DISC1: variants seen among roughly 807,000 people sequenced by gnomAD.
DISC1 encodes disrupted in schizophrenia 1 protein.
DISC1 carries 57 observed loss-of-function variants against 84.5 expected under a neutral mutation model. The ratio of observed to expected loss-of-function variants is 0.67; its 90% CI spans 0.55 to 0.84. The LOEUF (loss-of-function observed/expected upper bound fraction) is 0.84. Ranked by LOEUF, DISC1 falls within the 40% of genes least tolerant of loss-of-function variation. The pLI is 0.00. For synonymous variants in DISC1, 411 were observed against 415.2 expected, an observed-to-expected ratio of 0.99 and a Z score of 0.12; for missense variants, 1,000 against 1,057.8, an observed-to-expected ratio of 0.95 and a Z score of 0.76.
At chr1:232,019,949 T>G (rs527390820) in intron 11 of DISC1, among the ~76,000 whole-genome samples, 1 of 152,168 alleles carries the variant, frequency 6.6e-6, no homozygotes, top group Non-Finnish European at 1.5e-5. Flanking sequence ...GAATTGAGAC[T>G]TTGCAGAGTT....
Position 231,647,433 on chromosome 1 carries a change from T to C in DISC1, c.67+20499T>C, listed in dbSNP as rs570638395. Among the ~76,000 whole-genome samples, 3 of 152,380 alleles carry C rather than the reference T, an allele frequency of 2.0e-5. No individual in the cohort carries two copies. In the East Asian group the frequency reaches 5.8e-4, roughly 29 times the overall value. On this transcript the variant is annotated intron_variant, in intron 1 of 12. Transcript: ENST00000439617. ...GTTCCATTGGTCTATCTCTCTGTTT[T>C]GGTACCAGCACCATGCTGTTTTGGT...
intron 9 of DISC1, among the ~76,000 whole-genome samples, chr1:231,857,483 C>T (rs2084351991): frequency 6.6e-6 from 1 of 152,060 alleles, no homozygotes; most frequent in Non-Finnish European, 1.5e-5. Context: ...TGGGGTTTGT[C>T]CCAGATCCCT....
At chr1:231,938,144 T>C (rs770417302) in intron 9 of DISC1, among the ~76,000 whole-genome samples, 9 of 152,242 alleles carry the variant, frequency 5.9e-5, no homozygotes, top group South Asian at 2.1e-4. Context: ...AGGATGTCCA[T>C]GCCCTTATCC....
rs556547764 is a variant in DISC1 at position 231,920,985 on chromosome 1, C to A, written c.1982-37843C>A. Among the ~76,000 whole-genome samples, 7 of 149,840 alleles carry A rather than the reference C, an allele frequency of 4.7e-5. No homozygotes were observed. The East Asian group carries it at 1.4e-3, about 30-fold the overall frequency. On this transcript the variant is annotated intron_variant, in intron 9 of 12. Coordinates refer to ENST00000439617, the MANE Select transcript of DISC1 (RefSeq NM_018662.3). ...GCAGTGGCGTGATCTCGGCTCACTG[C>A]AGCCTCCACCTCCTGGGTTCAAGCG...
chr1:231,670,968 A>G (rs2062561424), intron 1 of DISC1, among the ~76,000 whole-genome samples: 1 of 152,178 alleles, frequency 6.6e-6, no homozygotes, highest in Non-Finnish European at 1.5e-5. Flanking sequence ...ATTCTTGAGT[A>G]TGCCCTGCTC....
At chr1:231,780,219 C>G (rs1332026871) in intron 6 of DISC1, among the ~76,000 whole-genome samples, 3 of 107,898 alleles carry the variant, frequency 2.8e-5, no homozygotes, top group African/African-American at 3.7e-5. Flanking sequence ...CACATGTACC[C>G]TAAAACTTAA....
At chr1:231,629,049 A>G (rs938990226) in intron 1 of DISC1, among the ~76,000 whole-genome samples, 2 of 152,136 alleles carry the variant, frequency 1.3e-5, no homozygotes, top group Non-Finnish European at 2.9e-5. Context: ...CATCCTGCAT[A>G]TCTATAGACC....
intron 9 of DISC1, 26 bp from the exon 10 acceptor site, chr1:231,958,802 C>G (rs1304849453): frequency 6.2e-7 from 1 of 1,609,536 alleles, no homozygotes. Context: ...GTTGCATTAA[C>G]TTTGGATTTC....
At chr1:231,997,611 G>T (rs910089204) in intron 10 of DISC1, among the ~76,000 whole-genome samples, 1 of 152,102 alleles carries the variant, frequency 6.6e-6, no homozygotes, top group African/African-American at 2.4e-5. Context: ...TAGACAAGCA[G>T]TAGCAGAGGA....
At chr1:231,889,381 G>A (rs201901223) in intron 9 of DISC1, among the ~76,000 whole-genome samples, 33 of 152,168 alleles carry the variant, frequency 2.2e-4, no homozygotes, top group Non-Finnish European at 4.3e-4. Context: ...GAGGAAGATC[G>A]AGTGATAGGA....
chr1:231,719,938 G>T (rs928640391), intron 3 of DISC1, among the ~76,000 whole-genome samples: 10 of 152,186 alleles, frequency 6.6e-5, no homozygotes, highest in Non-Finnish European at 1.5e-4. Flanking sequence ...TGATGACAGC[G>T]ATGTAGCAGA....
intron 1 of DISC1, among the ~76,000 whole-genome samples, chr1:231,637,542 A>G (rs557565394): frequency 6.6e-6 from 1 of 152,110 alleles, no homozygotes; most frequent in South Asian, 2.1e-4. Flanking sequence ...TCCACTTTCT[A>G]CATCCACGTG....
At chr1:231,912,849 T>TCTC (rs201420861) in intron 9 of DISC1, among the ~76,000 whole-genome samples, 1 of 151,206 alleles carries the variant, frequency 6.6e-6, no homozygotes, top group Non-Finnish European at 1.5e-5. Context: ...TTTTTCTTCT[T>TCTC]CTCCTCCTCC....
intron 3 of DISC1, chr1:231,723,133 G>A: frequency 1.1e-6 from 1 of 948,432 alleles, no homozygotes. Flanking sequence ...CTTGTTTTCA[G>A]TGGATATGAA....
rs2081442747 is a variant in DISC1 at position 231,820,895 on chromosome 1, A to G, written c.1981+2378A>G. On this transcript the variant is annotated intron_variant, in intron 9 of 12. Transcript: ENST00000439617. ...AGTGATGAATTCTGTTTCCATAGCA[A>G]AAGGGGAGATTTGCAGTCTTAGGGA... is the stretch of plus-strand genomic sequence containing the variant. Among the ~76,000 whole-genome samples, 3 of 152,294 alleles carry G rather than the reference A, an allele frequency of 2.0e-5. No individual in the cohort carries two copies. The South Asian group carries it at 6.2e-4, about 32-fold the overall frequency.
chr1:231,683,202 C>T (rs1159405063), intron 1 of DISC1, among the ~76,000 whole-genome samples: 1 of 152,118 alleles, frequency 6.6e-6, no homozygotes, highest in African/African-American at 2.4e-5. Context: ...AAGCAACAAC[C>T]TCTCTAGCAT....
chr1:231,838,239 A>G (rs997583079), intron 9 of DISC1, among the ~76,000 whole-genome samples: 5 of 152,232 alleles, frequency 3.3e-5, no homozygotes, highest in African/African-American at 1.2e-4. Flanking sequence ...CAGACACTGC[A>G]GAGAGCTGCC....
At chr1:231,886,096 C>A (rs1164981086) in intron 9 of DISC1, among the ~76,000 whole-genome samples, 1 of 152,086 alleles carries the variant, frequency 6.6e-6, no homozygotes, top group South Asian at 2.1e-4. Flanking sequence ...TTCTAATGAA[C>A]CCCCTCCCAC....
In DISC1 at chr1:231,764,289, A is replaced by T. The variant is rs73117200; in HGVS notation, c.1269-2851A>T. On this transcript the variant is annotated intron_variant, in intron 4 of 12. Coordinates refer to ENST00000439617, the MANE Select transcript of DISC1 (RefSeq NM_018662.3). ...TCAAGAGCTACAAGACTAATTGGCTATGTTAAAATATTTAAATCAAAAGTG... is the reference window on the plus strand; with the variant it reads ...TCAAGAGCTACAAGACTAATTGGCTTTGTTAAAATATTTAAATCAAAAGTG... Among the ~76,000 whole-genome samples the T allele has an allele frequency of 5.5e-3, 832 of 152,352 alleles. 6 individuals carry two copies. The highest frequency in any genetic ancestry group is 0.019 in the African/African-American group (795 of 41,580).
Sources: gnomAD v4.1 joint callset for allele counts (sites outside exome capture counted in the v4.1 genomes callset) on GRCh38, gnomAD v4.1.1 for gene constraint, MANE v1.5 for transcripts, NCBI Gene and HGNC (gene_info 2026-07-23, HGNC 2026-07-21) for gene names.